The following TBC1D8B variants were observed in gnomAD, a reference collection of about 807,000 sequenced individuals.
The protein encoded by TBC1D8B is TBC1 domain family member 8B.
TBC1D8B carries 75 observed loss-of-function variants against 82.9 expected under a neutral mutation model. The observed-to-expected ratio is 0.90, with a 90% CI of 0.75 to 1.10. TBC1D8B has a LOEUF of 1.10. Among genes scored for constraint, TBC1D8B ranks in the 50% least tolerant of loss-of-function variants. The probability of loss-of-function intolerance (pLI) is 0.00; values close to 1 mark genes in which losing one functional copy is unlikely to be tolerated. For missense variants in TBC1D8B, 794 were observed against 796.9 expected (o/e 1.00, Z 0.04); for synonymous variants, 276 against 276.8 (o/e 1.00, Z 0.03).
At chrX:106,852,687 G>T (rs1602431174) in intron 12 of TBC1D8B, among the ~76,000 whole-genome samples, 2 of 107,706 alleles carry the variant, frequency 1.9e-5, no homozygotes, top group Non-Finnish European at 3.9e-5. Context: ...TTTCCCCATT[G>T]CTTGTTTTTG....
At chrX:106,858,704 CTTAGT>C (rs1005108321) in intron 14 of TBC1D8B, among the ~76,000 whole-genome samples, 7 of 112,252 alleles carry the variant, frequency 6.2e-5, no homozygotes, top group African/African-American at 2.3e-4. Context: ...GCAAATGCTC[CTTAGT>C]TTAATTAGTC....
At chrX:106,834,614 C>T (rs992521510) in intron 7 of TBC1D8B, among the ~76,000 whole-genome samples, 2 of 111,887 alleles carry the variant, frequency 1.8e-5, no homozygotes, top group African/African-American at 6.5e-5. Context: ...AAGTCCCATC[C>T]ACCTATAAGC....
At chrX:106,826,425 CT>C (rs1569451044) in intron 6 of TBC1D8B, among the ~76,000 whole-genome samples, 188 bp downstream of exon 6, 3 of 110,956 alleles carry the variant, frequency 2.7e-5, no homozygotes, top group Non-Finnish European at 5.7e-5. Context: ...TTAGTAAAGT[CT>C]TTTTTTATTA....
intron 5 of TBC1D8B, 122 bp from the exon 6 acceptor site, chrX:106,825,908 C>A: frequency 2.1e-6 from 1 of 478,485 alleles, no homozygotes; most frequent in Non-Finnish European, 3.3e-6. Context: ...AAAAATATAG[C>A]ATTTTTAGTG....
intron 10 of TBC1D8B, 24 bp from the exon 11 acceptor site, chrX:106,848,162 A>C: frequency 9.3e-7 from 1 of 1,081,071 alleles, no homozygotes; most frequent in South Asian, 2.2e-5. Flanking sequence ...TTTGCTTTTT[A>C]ATACTGTTTT....
In TBC1D8B at chrX:106,802,997, A is replaced by G; in HGVS notation, c.130+14A>G. The G allele has an allele frequency of 8.5e-7, 1 of 1,174,853 alleles. No individual in the cohort carries two copies. Among genetic ancestry groups the G allele is most frequent in the Non-Finnish European group, 1.1e-6 (1 of 880,453 alleles). On this transcript the variant is annotated intron_variant, in intron 1 of 20. Transcript: ENST00000357242. Reference sequence around the variant, plus strand: ...GGGGGCTCACAGGTAAGCTGTGGCCACCCTACCTGCCTCTGGGCTGTGTTC... The same window carrying G: ...GGGGGCTCACAGGTAAGCTGTGGCCGCCCTACCTGCCTCTGGGCTGTGTTC...
At chrX:106,825,954 A>G (rs1931827883) in intron 5 of TBC1D8B, 76 bp from the exon 6 acceptor site, 1 of 869,326 alleles carries the variant, frequency 1.2e-6, no homozygotes, top group African/African-American at 2.0e-5. Context: ...AGATTAGTCA[A>G]TATAGGCATA....
rs1279101812 is a variant in TBC1D8B at position 106,856,885 on chromosome X, A to C, written c.2352+2589A>C. Among the ~76,000 whole-genome samples the C allele has an allele frequency of 3.7e-5, 4 of 109,296 alleles. No individual in the cohort carries two copies. In the East Asian group the frequency reaches 1.1e-3, roughly 31 times the overall value. 94.9% of individuals were successfully genotyped at this position (109,296 alleles called of 115,157 possible). A position where few individuals can be genotyped will look rare whatever the true frequency, so the allele number is the denominator to read the frequency against. Reference sequence around the variant, plus strand: ...ATGAATGAGATCATTTTTCCTTTACATTGCCTAATTCTTTATTGGCTGTGT... The same window carrying C: ...ATGAATGAGATCATTTTTCCTTTACCTTGCCTAATTCTTTATTGGCTGTGT... On this transcript the variant is annotated intron_variant, in intron 14 of 20. Transcript: ENST00000357242.
rs1434944840 is a variant in TBC1D8B, at chrX:106,840,193, TTTCAGGTATTACG to T, written c.1502_1504+10del. 8.3e-7 allele frequency: 1 copy of T among 1,205,388 alleles called. No individual in the cohort carries two copies. Among genetic ancestry groups the T allele is most frequent in the East Asian group, 3.0e-5 (1 of 33,732 alleles). On this transcript the variant is annotated splice_donor_variant and splice_donor_5th_base_variant and coding_sequence_variant and intron_variant, in exon 9 of 21. Transcript: ENST00000357242. LOFTEE classifies it high-confidence loss of function. ...TTAAGAGGAGAACTCTGGATGCTTT[TTTCAGGTATTACG>T]TTTATTCATTGTATTTATTTAATAG...
At chrX:106,809,183 G>A (rs762587246) in intron 1 of TBC1D8B, among the ~76,000 whole-genome samples, 97 of 111,477 alleles carry the variant, frequency 8.7e-4, no homozygotes, top group African/African-American at 3.0e-3. Context: ...GATATTTACC[G>A]AGTGCCTTTT....
Position 106,873,987 on chromosome X carries a change from T to C in TBC1D8B, c.*22T>C. ...GTAAATCCCTAGGAATTGCCTATCATAGACAAGTTTACTAACATTCCTGTA... is the reference window on the plus strand; with the variant it reads ...GTAAATCCCTAGGAATTGCCTATCACAGACAAGTTTACTAACATTCCTGTA... On this transcript the variant is annotated 3_prime_UTR_variant, in exon 21 of 21. Transcript: ENST00000357242. 2 of 1,152,440 alleles carry C rather than the reference T, an allele frequency of 1.7e-6. No homozygotes were observed. Among genetic ancestry groups the C allele is most frequent in the Non-Finnish European group, 2.3e-6 (2 of 866,274 alleles). The allele number at this position is 1,152,440 out of a possible 1,213,427, so 95.0% of individuals were successfully genotyped here. A position where few individuals can be genotyped will look rare whatever the true frequency, so the allele number is the denominator to read the frequency against.
At chrX:106,860,340 G>GGT (rs3078333) in intron 14 of TBC1D8B, among the ~76,000 whole-genome samples, 16,447 of 82,546 alleles carry the variant, frequency 0.2, 1,614 homozygotes, top group East Asian at 0.32. Flanking sequence ...TTTTATGATT[G>GGT]GTGTGTGTGT....
At chrX:106,843,326 A>G (rs1400248630) in intron 10 of TBC1D8B, among the ~76,000 whole-genome samples, 1 of 111,329 alleles carries the variant, frequency 9.0e-6, no homozygotes, top group Non-Finnish European at 1.9e-5. Flanking sequence ...TGAGGGTTCT[A>G]TTTTTTCTTT....
chrX:106,865,148 G>A, intron 14 of TBC1D8B, among the ~76,000 whole-genome samples: 1 of 111,448 alleles, frequency 9.0e-6, no homozygotes, highest in South Asian at 3.8e-4. Context: ...CATAGAGAGG[G>A]AATGTACATC....
chrX:106,832,663 C>T (rs1390187191), intron 7 of TBC1D8B, among the ~76,000 whole-genome samples: 1 of 111,289 alleles, frequency 9.0e-6, no homozygotes, highest in Non-Finnish European at 1.9e-5. Context: ...GTATCTTCTA[C>T]ATATTATCAC....
intron 14 of TBC1D8B, 49 bp downstream of exon 14, chrX:106,854,345 T>C (rs1932653598): frequency 1.2e-6 from 1 of 831,947 alleles, no homozygotes. Flanking sequence ...ATTTTTTTTT[T>C]CTATAACTTT....
At chrX:106,821,466 G>A (rs1325712177) in intron 3 of TBC1D8B, among the ~76,000 whole-genome samples, 1 of 110,218 alleles carries the variant, frequency 9.1e-6, no homozygotes, top group Non-Finnish European at 1.9e-5. Flanking sequence ...AAAAACCTAA[G>A]CACAAAACTG....
chrX:106,853,706 A>G, intron 13 of TBC1D8B, 56 bp downstream of exon 13: 2 of 1,063,549 alleles, frequency 1.9e-6, no homozygotes, highest in South Asian at 2.0e-5. Context: ...TGATTGAACT[A>G]TGGTCTATCT....
At position 106,872,774 on chromosome X, in the gene TBC1D8B, A is replaced by C. The variant is rs529020466; in HGVS notation, c.2968-796A>C. Among the ~76,000 whole-genome samples the C allele has an allele frequency of 1.4e-4, 15 of 109,993 alleles. No homozygotes were observed. The Middle Eastern group carries it at 0.014, about 101-fold the overall frequency. ...CACTTGAGGCTAGGAGTTTGAGATC[A>C]GCCCAGGCAACATAGTAAGATCCTG... is the stretch of plus-strand genomic sequence containing the variant. On this transcript the variant is annotated intron_variant, in intron 20 of 20. Coordinates refer to ENST00000357242, the MANE Select transcript of TBC1D8B (RefSeq NM_017752.3).
Sources: allele counts gnomAD v4.1 joint callset (sites outside exome capture counted in the v4.1 genomes callset), GRCh38; gene constraint gnomAD v4.1.1; transcripts MANE v1.5; gene names NCBI Gene and HGNC (gene_info 2026-07-23, HGNC 2026-07-21).